ALAS2: variants seen among roughly 807,000 people sequenced by gnomAD.
ALAS2 encodes the protein 5'-aminolevulinate synthase 2.
A neutral mutation model predicts 33.7 loss-of-function variants in ALAS2; 3 were observed. That is an observed-to-expected ratio of 0.09 (90% CI 0.04 to 0.23). ALAS2 has a LOEUF of 0.23. Ranked by LOEUF, ALAS2 falls within the 10% of genes least tolerant of loss-of-function variation. The probability of loss-of-function intolerance (pLI) is 1.00; values close to 1 mark genes in which losing one functional copy is unlikely to be tolerated. For missense variants in ALAS2, 304 were observed against 475.1 expected (o/e 0.64, Z 3.35); for synonymous variants, 191 against 177.3 (o/e 1.08, Z -0.61).
At chrX:55,010,507 C>T (rs1375338814) in intron 10 of ALAS2, among the ~76,000 whole-genome samples, 1 of 111,097 alleles carries the variant, frequency 9.0e-6, no homozygotes, top group African/African-American at 3.3e-5. Flanking sequence ...CCATTCCACC[C>T]ACACCCATCT....
At chrX:55,018,333 C>T (rs1201006189) in intron 6 of ALAS2, among the ~76,000 whole-genome samples, 1 of 111,122 alleles carries the variant, frequency 9.0e-6, no homozygotes, top group East Asian at 2.8e-4. Flanking sequence ...CTGGACCTCC[C>T]CAACCCCTGC....
intron 6 of ALAS2, among the ~76,000 whole-genome samples, chrX:55,019,323 C>A (rs1309051390): frequency 9.0e-6 from 1 of 111,417 alleles, no homozygotes; most frequent in Non-Finnish European, 1.9e-5. Context: ...AAGGATACTT[C>A]TTCCACTATG....
Position 55,014,822 on chromosome X carries a change from G to A in ALAS2, c.1362C>T (p.Val454=). The change falls in exon 9 of 11, where the codon GTC becomes GTT. Residue 454 remains valine, a synonymous_variant. Transcript: ENST00000650242. The part of the protein sequence containing the change: ...QALRRAHQRN[V]KHMRQLLMDR... ...CCATGAGTAGCTGGCGCATGTGCTT[G>A]ACATTGCGCTGGTGGGCTCGCCTCA... 1 of 1,203,916 alleles carries A rather than the reference G, an allele frequency of 8.3e-7. No homozygotes were observed. Among genetic ancestry groups the A allele is most frequent in the Non-Finnish European group, 1.1e-6 (1 of 891,342 alleles).
At chrX:55,027,673 C>A in intron 1 of ALAS2, 2 of 1,018,648 alleles carry the variant, frequency 2.0e-6, no homozygotes, top group Non-Finnish European at 2.8e-6. Flanking sequence ...CAGGTCAGCT[C>A]ATGGCCCTGC....
At chrX:55,024,197 A>G (rs1257573444) in intron 3 of ALAS2, among the ~76,000 whole-genome samples, 1 of 112,282 alleles carries the variant, frequency 8.9e-6, no homozygotes, top group Non-Finnish European at 1.9e-5. Flanking sequence ...TTTTCTAAAC[A>G]TCATTAAATT....
chrX:55,014,239 A>C, intron 9 of ALAS2, among the ~76,000 whole-genome samples: 1 of 111,630 alleles, frequency 9.0e-6, no homozygotes. Flanking sequence ...ATGGCTTTTG[A>C]TTTTATTTTT....
At chrX:55,021,698 G>A (rs949321726) in intron 4 of ALAS2, among the ~76,000 whole-genome samples, 2 of 111,911 alleles carry the variant, frequency 1.8e-5, no homozygotes, top group Non-Finnish European at 3.8e-5. Flanking sequence ...TTTGTAGAAT[G>A]AGGCTAATAA....
At chrX:55,011,599 G>A (rs1935603113) in intron 10 of ALAS2, among the ~76,000 whole-genome samples, 1 of 112,041 alleles carries the variant, frequency 8.9e-6, no homozygotes, top group African/African-American at 3.2e-5. Context: ...AGTGGCAGGG[G>A]AGAAAAGCAA....
intron 1 of ALAS2, chrX:55,027,823 C>T (rs764197188): frequency 8.3e-7 from 1 of 1,208,574 alleles, no homozygotes; most frequent in Non-Finnish European, 1.1e-6. Context: ...GTCACAGCAG[C>T]CTGGGTTGGT....
intron 6 of ALAS2, 97 bp downstream of exon 6, chrX:55,020,223 G>A (rs2146721948): frequency 3.4e-6 from 3 of 874,693 alleles, no homozygotes; most frequent in South Asian, 4.3e-5. Flanking sequence ...TGGGAGTGAG[G>A]GAACTCCAAA....
intron 1 of ALAS2, 91 bp downstream of exon 1, chrX:55,030,851 G>A (rs1455639046): frequency 3.8e-6 from 1 of 259,844 alleles, no homozygotes; most frequent in Non-Finnish European, 7.7e-6. Flanking sequence ...GAAAAAGTCA[G>A]ATCTACTCAG....
chrX:55,020,572 G>A, intron 5 of ALAS2, 68 bp from the exon 6 acceptor site: 1 of 1,052,051 alleles, frequency 9.5e-7, no homozygotes, highest in Non-Finnish European at 1.3e-6. Context: ...AACTGGGTAG[G>A]TTTCTCTTCC....
intron 5 of ALAS2, 56 bp downstream of exon 5, chrX:55,020,996 T>C (rs1387909534): frequency 3.8e-6 from 4 of 1,065,791 alleles, no homozygotes; most frequent in African/African-American, 3.7e-5. Flanking sequence ...TTTTTTTCCA[T>C]GTGTGGTTTT....
Position 55,021,278 on chromosome X carries a change from C to T in ALAS2, c.416-4G>A. 1.7e-6 allele frequency: 2 copies of T among 1,193,568 alleles called. No homozygotes were observed. Among genetic ancestry groups the T allele is most frequent in the Non-Finnish European group, 2.3e-6 (2 of 878,561 alleles). On this transcript the variant is annotated splice_region_variant and splice_polypyrimidine_tract_variant and intron_variant, in intron 4 of 10. Transcript: ENST00000650242. ...TCATAACTGAAGACATAGTTTCCTG[C>T]AGGAGCAGATATGAGGATGAAAAGA...
intron 6 of ALAS2, among the ~76,000 whole-genome samples, chrX:55,018,599 T>C (rs1388026517): frequency 9.0e-6 from 1 of 111,511 alleles, no homozygotes; most frequent in Non-Finnish European, 1.9e-5. Flanking sequence ...TATAAGTAAG[T>C]GAATGAGTAT....
chrX:55,013,762 A>ATT, intron 9 of ALAS2, 114 bp from the exon 10 acceptor site: 2 of 894,153 alleles, frequency 2.2e-6, no homozygotes, highest in Non-Finnish European at 3.2e-6. Context: ...TTTGGGATAG[A>ATT]TTTTTTTTTT....
chrX:55,024,663 T>C, intron 3 of ALAS2, 55 bp downstream of exon 3: 1 of 1,203,537 alleles, frequency 8.3e-7, no homozygotes, highest in African/African-American at 1.7e-5. Context: ...GACTGTGACG[T>C]AGTGTGTTCA....
intron 8 of ALAS2, among the ~76,000 whole-genome samples, 191 bp from the exon 9 acceptor site, chrX:55,015,206 A>T (rs761956762): frequency 9.0e-6 from 1 of 110,932 alleles, no homozygotes; most frequent in Non-Finnish European, 1.9e-5. Flanking sequence ...TAGGACTTTC[A>T]AGTCTTGCCA....
intron 7 of ALAS2, among the ~76,000 whole-genome samples, chrX:55,017,106 G>A (rs1282813248): frequency 8.9e-6 from 1 of 112,058 alleles, no homozygotes; most frequent in Non-Finnish European, 1.9e-5. Flanking sequence ...TTAGGGTGCA[G>A]ATACTCACTT....
Sources: allele counts gnomAD v4.1 joint callset (sites outside exome capture counted in the v4.1 genomes callset), GRCh38; gene constraint gnomAD v4.1.1; transcripts MANE v1.5; gene names NCBI Gene and HGNC (gene_info 2026-07-23, HGNC 2026-07-21).